The following CSMD1 variants were observed in gnomAD, a reference collection of about 807,000 sequenced individuals.
CSMD1 encodes CUB and sushi domain-containing protein 1.
Under a neutral mutation model 417.5 loss-of-function variants are expected in CSMD1, and 213 were observed. The observed-to-expected ratio is 0.51, with a 90% CI of 0.46 to 0.57. The LOEUF (loss-of-function observed/expected upper bound fraction) is 0.57, where lower values mean the gene tolerates loss of function less well. CSMD1 is among the 20% of genes least tolerant of loss of function. CSMD1 has a pLI of 0.00. For missense variants in CSMD1, 6,923 were observed against 4,529.7 expected (o/e 1.53, Z -15.17); for synonymous variants, 2,862 against 1,736.8 (o/e 1.65, Z -16.11).
At chr8:4,511,219 C>T (rs184349849) in intron 2 of CSMD1, among the ~76,000 whole-genome samples, 1 of 152,084 alleles carries the variant, frequency 6.6e-6, no homozygotes, top group Non-Finnish European at 1.5e-5. Flanking sequence ...CATTTTTAAC[C>T]TGTCCCAAAA....
chr8:4,419,269 C>T (rs924374648), intron 3 of CSMD1, among the ~76,000 whole-genome samples: 3 of 152,080 alleles, frequency 2.0e-5, no homozygotes, highest in Non-Finnish European at 4.4e-5. Flanking sequence ...AATCTCCATC[C>T]AAAACAAAAG....
rs190923183 is a variant in CSMD1, at chr8:3,317,707, G to A, written c.3632-9204C>T. ...CGTTTATTTGGTATCATTACTTGAT[G>A]TGTTCACAATATCATGCCTTGTACA... On this transcript the variant is annotated intron_variant, in intron 23 of 69. Transcript: ENST00000635120. Among the ~76,000 whole-genome samples the A allele has an allele frequency of 2.6e-5, 4 of 152,304 alleles. No individual in the cohort carries two copies. In the East Asian group the frequency reaches 7.7e-4, roughly 29 times the overall value.
At chr8:4,063,527 T>A (rs180797516) in intron 3 of CSMD1, among the ~76,000 whole-genome samples, 3 of 152,334 alleles carry the variant, frequency 2.0e-5, no homozygotes. Flanking sequence ...GCCACAGTTT[T>A]AATACCAAGA....
chr8:3,518,930 T>G (rs190300867), intron 10 of CSMD1, among the ~76,000 whole-genome samples: 1 of 152,238 alleles, frequency 6.6e-6, no homozygotes, highest in African/African-American at 2.4e-5. Flanking sequence ...TCTCCTCATA[T>G]TGTCCCTTTT....
chr8:4,258,034 G>C (rs534075194), intron 3 of CSMD1, among the ~76,000 whole-genome samples: 1 of 151,776 alleles, frequency 6.6e-6, no homozygotes, highest in Non-Finnish European at 1.5e-5. Flanking sequence ...TCACAGCTGT[G>C]GAAGGGGGAA....
intron 12 of CSMD1, among the ~76,000 whole-genome samples, chr8:3,468,024 C>T (rs1424896993): frequency 6.6e-6 from 1 of 152,060 alleles, no homozygotes; most frequent in Non-Finnish European, 1.5e-5. Context: ...AACTCAGTTA[C>T]CAATGAAGGA....
intron 2 of CSMD1, among the ~76,000 whole-genome samples, chr8:4,449,415 G>C (rs1000191029): frequency 2.6e-5 from 4 of 152,138 alleles, no homozygotes; most frequent in African/African-American, 9.7e-5. Flanking sequence ...GTTTAGAATA[G>C]CCGTGTAGAA....
chr8:4,646,856 T>C (rs903556778), intron 1 of CSMD1, among the ~76,000 whole-genome samples: 1 of 152,126 alleles, frequency 6.6e-6, no homozygotes, highest in Non-Finnish European at 1.5e-5. Flanking sequence ...GTTATGAAAA[T>C]TATACAGATA....
At chr8:3,584,224 A>G (rs1434656681) in intron 9 of CSMD1, among the ~76,000 whole-genome samples, 1 of 152,218 alleles carries the variant, frequency 6.6e-6, no homozygotes, top group African/African-American at 2.4e-5. Context: ...ATCATCAGTA[A>G]GAACAGAAGA....
chr8:4,546,365 G>T (rs1361254719), intron 2 of CSMD1, among the ~76,000 whole-genome samples: 1 of 152,156 alleles, frequency 6.6e-6, no homozygotes, highest in Non-Finnish European at 1.5e-5. Flanking sequence ...GCTGGTAAAA[G>T]ATTGCTTCTG....
chr8:4,605,831 G>A (rs191909460), intron 2 of CSMD1, among the ~76,000 whole-genome samples: 2 of 152,314 alleles, frequency 1.3e-5, no homozygotes, highest in Non-Finnish European at 2.9e-5. Context: ...TGGTGGACAA[G>A]GGTTCGTGTT....
chr8:4,814,617 G>A (rs1038065054), intron 1 of CSMD1, among the ~76,000 whole-genome samples: 14 of 152,080 alleles, frequency 9.2e-5, no homozygotes, highest in African/African-American at 3.4e-4. Context: ...ATTTTAATTA[G>A]TATTGATCAA....
chr8:3,961,132 T>C (rs958591555), intron 5 of CSMD1, among the ~76,000 whole-genome samples: 7 of 152,196 alleles, frequency 4.6e-5, no homozygotes, highest in African/African-American at 1.7e-4. Context: ...ATTGCATCTC[T>C]TCTTGCCCAT....
At chr8:4,306,578 G>C (rs1489953153) in intron 3 of CSMD1, among the ~76,000 whole-genome samples, 1 of 152,078 alleles carries the variant, frequency 6.6e-6, no homozygotes, top group East Asian at 1.9e-4. Context: ...CCTGCCCATG[G>C]TGTATTAAGC....
intron 29 of CSMD1, among the ~76,000 whole-genome samples, chr8:3,217,540 G>A (rs1004021130): frequency 8.5e-5 from 13 of 152,100 alleles, no homozygotes; most frequent in South Asian, 2.1e-4. Flanking sequence ...TTTGTTGGGG[G>A]CGTGGGGGGC....
At chr8:3,385,153 A>G (rs1228443095) in intron 18 of CSMD1, among the ~76,000 whole-genome samples, 2 of 136,438 alleles carry the variant, frequency 1.5e-5, no homozygotes, top group African/African-American at 2.7e-5. Flanking sequence ...ATATATAAAT[A>G]TATAATACAT....
chr8:4,610,345 C>G (rs141496347), intron 2 of CSMD1, among the ~76,000 whole-genome samples: 1 of 152,306 alleles, frequency 6.6e-6, no homozygotes, highest in East Asian at 1.9e-4. Flanking sequence ...CTATTGTAAG[C>G]ATGTGAGTCA....
intron 40 of CSMD1, among the ~76,000 whole-genome samples, chr8:3,147,060 C>G (rs1818888641): frequency 6.7e-6 from 1 of 148,416 alleles, no homozygotes; most frequent in African/African-American, 2.6e-5. Context: ...CTCAGAGTAA[C>G]TGGAGGAGCA....
At chr8:4,959,368 C>T (rs1438037959) in intron 1 of CSMD1, among the ~76,000 whole-genome samples, 1 of 152,174 alleles carries the variant, frequency 6.6e-6, no homozygotes, top group East Asian at 1.9e-4. Context: ...AGGTGGCAAT[C>T]CCCAACCAGG....
Sources: gnomAD v4.1 joint callset for allele counts (sites outside exome capture counted in the v4.1 genomes callset) on GRCh38, gnomAD v4.1.1 for gene constraint, MANE v1.5 for transcripts, NCBI Gene and HGNC (gene_info 2026-07-23, HGNC 2026-07-21) for gene names.